NCALD: variants seen among roughly 807,000 people sequenced by gnomAD.
NCALD encodes neurocalcin delta, also known as neurocalcin-delta.
Under a neutral mutation model 18.6 loss-of-function variants are expected in NCALD, and 10 were observed. The ratio of observed to expected loss-of-function variants is 0.54; its 90% CI spans 0.33 to 0.91. The LOEUF (loss-of-function observed/expected upper bound fraction) is 0.91. Among genes scored for constraint, NCALD ranks in the 40% least tolerant of loss-of-function variants. The pLI, the probability that NCALD is intolerant of heterozygous loss-of-function variation, is 0.03. For synonymous variants in NCALD, 88 were observed against 87.4 expected, an observed-to-expected ratio of 1.01 and a Z score of -0.04; for missense variants, 184 against 247.6, an observed-to-expected ratio of 0.74 and a Z score of 1.72.
At chr8:102,042,709 G>C (rs1823092632) in intron 1 of NCALD, among the ~76,000 whole-genome samples, 1 of 124,132 alleles carries the variant, frequency 8.1e-6, no homozygotes, top group African/African-American at 3.3e-5. Flanking sequence ...GAAGGAATCA[G>C]TGAAGACAGA....
intron 1 of NCALD, among the ~76,000 whole-genome samples, chr8:101,771,203 A>T (rs1450373047): frequency 6.6e-6 from 1 of 152,210 alleles, no homozygotes; most frequent in Non-Finnish European, 1.5e-5. Context: ...AGCCTTGGCT[A>T]GGACTGTGTC....
chr8:101,857,059 C>T (rs759082324), intron 4 of NCALD, among the ~76,000 whole-genome samples: 3 of 152,150 alleles, frequency 2.0e-5, no homozygotes, highest in Non-Finnish European at 4.4e-5. Flanking sequence ...ACCTCTAATC[C>T]CAAGTGTCCA....
intron 2 of NCALD, among the ~76,000 whole-genome samples, chr8:101,943,502 C>A (rs1239523895): frequency 6.6e-6 from 1 of 152,108 alleles, no homozygotes; most frequent in Non-Finnish European, 1.5e-5. Flanking sequence ...CAGAAGAAAA[C>A]CAGCTCATGA....
At chr8:101,717,149 C>T (rs1240976011) in intron 2 of NCALD, among the ~76,000 whole-genome samples, 2 of 152,206 alleles carry the variant, frequency 1.3e-5, no homozygotes, top group Non-Finnish European at 2.9e-5. Context: ...TTCAGAGCTA[C>T]ACAGAATCCA....
intron 2 of NCALD, among the ~76,000 whole-genome samples, chr8:101,718,259 T>TC (rs1019309030): frequency 3.3e-5 from 5 of 152,120 alleles, no homozygotes; most frequent in African/African-American, 4.8e-5. Context: ...TCATTTCATT[T>TC]ATTTATTTAT....
chr8:101,829,912 C>G (rs1286618876), intron 4 of NCALD, among the ~76,000 whole-genome samples: 1 of 146,218 alleles, frequency 6.8e-6, no homozygotes, highest in Non-Finnish European at 1.5e-5. Context: ...TTATATCTAT[C>G]TTTAAGTGTT....
intron 1 of NCALD, among the ~76,000 whole-genome samples, chr8:102,038,578 C>T (rs1324115082): frequency 6.6e-6 from 1 of 152,164 alleles, no homozygotes; most frequent in Non-Finnish European, 1.5e-5. Flanking sequence ...AGTGGCAGGG[C>T]TCCAGCTTCT....
In NCALD at chr8:102,003,057, A is replaced by G. The variant is rs191134138; in HGVS notation, c.-157+17180T>C. Among the ~76,000 whole-genome samples, 14 of 152,200 alleles carry G rather than the reference A, an allele frequency of 9.2e-5. No homozygotes were observed. In the East Asian group the frequency reaches 2.5e-3, roughly 27 times the overall value. ...CAGAACTGAAGGAAACAGAGACACA[A>G]AAAAAAACCTTCAAAAAATCAATGA... On this transcript the variant is annotated intron_variant, in intron 2 of 6. Coordinates refer to the NCALD transcript ENST00000311028.
At chr8:101,823,203 C>A (rs28630444) in intron 4 of NCALD, among the ~76,000 whole-genome samples, 6,310 of 152,220 alleles carry the variant, frequency 0.041, 323 homozygotes, top group East Asian at 0.12. Flanking sequence ...TTAAAAATAT[C>A]GTGAGCATGT....
intron 2 of NCALD, among the ~76,000 whole-genome samples, chr8:101,697,595 C>A (rs766310830): frequency 6.6e-6 from 1 of 152,144 alleles, no homozygotes; most frequent in African/African-American, 2.4e-5. Context: ...AGCTTATCCA[C>A]CATGATCAAG....
chr8:101,934,412 G>T (rs79100576), intron 2 of NCALD, among the ~76,000 whole-genome samples: 142 of 152,198 alleles, frequency 9.3e-4, no homozygotes, highest in African/African-American at 3.3e-3. Context: ...ATAAGCTCCC[G>T]CAAGAAGATT....
chr8:101,747,867 G>A (rs1010820387), intron 1 of NCALD, among the ~76,000 whole-genome samples: 30 of 152,100 alleles, frequency 2.0e-4, no homozygotes, highest in Middle Eastern at 3.4e-3. Flanking sequence ...ACAGGTGCCC[G>A]CCACAACACC....
intron 2 of NCALD, among the ~76,000 whole-genome samples, chr8:101,928,166 T>G (rs921384414): frequency 2.0e-5 from 3 of 152,092 alleles, no homozygotes; most frequent in African/African-American, 7.2e-5. Context: ...TTGTCCAATC[T>G]CTCAATGATC....
intron 4 of NCALD, among the ~76,000 whole-genome samples, chr8:101,806,137 G>C (rs1197815526): frequency 3.3e-5 from 5 of 151,814 alleles, no homozygotes. Context: ...TGCAGTGTAG[G>C]GAAAATAGAC....
At chr8:101,895,208 T>C (rs1038176623) in intron 3 of NCALD, among the ~76,000 whole-genome samples, 5 of 149,554 alleles carry the variant, frequency 3.3e-5, no homozygotes, top group East Asian at 1.9e-4. Context: ...GCTGGTTCGA[T>C]ATACGCAAAT....
chr8:101,822,873 C>G (rs1813778205), intron 4 of NCALD, among the ~76,000 whole-genome samples: 1 of 152,186 alleles, frequency 6.6e-6, no homozygotes, highest in Non-Finnish European at 1.5e-5. Flanking sequence ...GTTCCTTCAG[C>G]TCTTACTTTT....
intron 1 of NCALD, among the ~76,000 whole-genome samples, chr8:102,064,596 G>A (rs1351860911): frequency 1.3e-5 from 2 of 152,176 alleles, no homozygotes; most frequent in South Asian, 2.1e-4. Context: ...AAGTGATGCA[G>A]GTCCAAAACA....
intron 1 of NCALD, among the ~76,000 whole-genome samples, chr8:101,734,965 T>C (rs907295029): frequency 6.6e-6 from 1 of 152,016 alleles, no homozygotes; most frequent in Non-Finnish European, 1.5e-5. Flanking sequence ...AAAGAGGACG[T>C]AGAACAACTG....
chr8:101,709,072 T>C (rs1045725597), intron 2 of NCALD, among the ~76,000 whole-genome samples: 4 of 152,236 alleles, frequency 2.6e-5, no homozygotes, highest in African/African-American at 9.6e-5. Flanking sequence ...AAGGGACTTA[T>C]TGAAAATGAA....
Sources: allele counts gnomAD v4.1 joint callset (sites outside exome capture counted in the v4.1 genomes callset), GRCh38; gene constraint gnomAD v4.1.1; transcripts MANE v1.5; gene names NCBI Gene and HGNC (gene_info 2026-07-23, HGNC 2026-07-21).